ZBTB21: variants seen among roughly 807,000 people sequenced by gnomAD.
ZBTB21 encodes zinc finger and BTB domain containing 21.
In ZBTB21, 10 loss-of-function variants were observed where a neutral mutation model predicts 39.8. That is an observed-to-expected ratio of 0.25 (90% CI 0.16 to 0.43). The LOEUF is 0.43. ZBTB21 is among the 20% of genes least tolerant of loss of function. ZBTB21 has a pLI of 1.00. For synonymous variants in ZBTB21, 551 were observed against 498.8 expected (o/e 1.10, Z -1.40); for missense variants, 1,221 against 1,296.3 (o/e 0.94, Z 0.89).
chr21:41,998,899 C>T (rs1031900121), intron 2 of ZBTB21, among the ~76,000 whole-genome samples: 4 of 152,204 alleles, frequency 2.6e-5, no homozygotes, highest in Non-Finnish European at 5.9e-5. Context: ...GCCTACCATC[C>T]TTTCAAAGTA....
At chr21:41,997,228 C>G (rs116251488) in intron 2 of ZBTB21, among the ~76,000 whole-genome samples, 1 of 151,982 alleles carries the variant, frequency 6.6e-6, no homozygotes, top group Admixed American at 6.6e-5. Flanking sequence ...GGCCAAGAGA[C>G]CTTTAAAAAT....
chr21:41,997,266 A>G (rs1262305573), intron 2 of ZBTB21, among the ~76,000 whole-genome samples: 2 of 152,118 alleles, frequency 1.3e-5, no homozygotes, highest in Non-Finnish European at 2.9e-5. Flanking sequence ...GCAAAAAATT[A>G]TTTGCTAATT....
intron 2 of ZBTB21, among the ~76,000 whole-genome samples, chr21:41,997,308 G>T (rs6586291): frequency 0.63 from 96,118 of 152,026 alleles, 31,862 homozygotes; most frequent in African/African-American, 0.78. Flanking sequence ...AGGCACGGTG[G>T]CTCACGCTTG....
rs747199104 is a variant in ZBTB21 at position 41,993,143 on chromosome 21, G to A, written c.953C>T (p.Pro318Leu). 6.2e-7 allele frequency: 1 copy of A among 1,614,038 alleles called. No homozygotes were observed. Among genetic ancestry groups the A allele is most frequent in the African/African-American group, 1.3e-5 (1 of 74,928 alleles). ...GTTTCCAGAACCAGATCCACTGGAT[G>A]GGATCACTAAGCCTAACTTTGAATA... The part of the protein sequence containing the change: ...LYYSKLGLVI[P>L]SSGSGSGNQS... Residue 318 changes from proline (P) to leucine (L), a missense_variant, in exon 3 of 3, where the codon CCA becomes CTA. Physicochemically the swap from Pro to Leu is moderately conservative, Grantham distance 98. Transcript: ENST00000310826.
intron 1 of ZBTB21, among the ~76,000 whole-genome samples, chr21:42,009,813 C>A (rs924419464): frequency 2.0e-5 from 3 of 152,038 alleles, no homozygotes; most frequent in African/African-American, 4.8e-5. Flanking sequence ...ACCCCGCGGC[C>A]CGGGCCGCCG....
rs2065633734 is a variant in ZBTB21, at chr21:41,990,335, G to A, written c.*560C>T. 6.6e-6 allele frequency: 1 copy of A among 152,556 alleles called. No individual in the cohort carries two copies. The highest frequency in any genetic ancestry group is 1.5e-5 in the Non-Finnish European group (1 of 68,006). The allele number at this position is 152,556 out of a possible 1,614,324, so 9.5% of individuals were successfully genotyped here. A position where few individuals can be genotyped will look rare whatever the true frequency, so the allele number is the denominator to read the frequency against. On this transcript the variant is annotated 3_prime_UTR_variant, in exon 3 of 3. Coordinates refer to ENST00000310826, the MANE Select transcript of ZBTB21 (RefSeq NM_001098402.2). ...TCTCACAATTTTCATACAAAAAGAA[G>A]TTTTACATGACCACAAAATACCAAA...
Position 41,991,530 on chromosome 21 carries a change from A to G in ZBTB21, c.2566T>C (p.Phe856Leu), listed in dbSNP as rs1184415473. ...VFSDSSEQVN[F>L]DSEDSSCLPE... ...AGACAAGAGGAATCTTCCGAGTCGAAGTTAACTTGTTCTGAAGAATCACTG... is the reference window on the plus strand; with the variant it reads ...AGACAAGAGGAATCTTCCGAGTCGAGGTTAACTTGTTCTGAAGAATCACTG... The change falls in exon 3 of 3, where the codon TTC (phenylalanine) becomes CTC (leucine). Residue 856 changes from phenylalanine to leucine, a missense_variant. This residue lies in a region of ZBTB21 where 523 missense variants were observed against 542.5 expected (regional missense o/e 0.96). Transcript: ENST00000310826. The surrounding 1 kb of genome is among the most constrained non-coding windows in gnomAD (Gnocchi z 4.9). 6.2e-7 allele frequency: 1 copy of G among 1,614,100 alleles called. No individual in the cohort carries two copies. The highest frequency in any genetic ancestry group is 8.5e-7 in the Non-Finnish European group (1 of 1,180,046).
In ZBTB21 at chr21:41,993,677, T is replaced by A. The variant is rs970588623; in HGVS notation, c.419A>T (p.Asp140Val). Residue 140 changes from aspartate to valine, a missense_variant, in exon 3 of 3, where the codon GAT (aspartate) becomes GTT (valine). Transcript: ENST00000310826. The part of the protein sequence containing the change: ...PNRKKVFVED[D>V]ENSSQKRSVI... Reference sequence around the variant, plus strand: ...ACTTCTCTTTTGAGAACTGTTTTCATCATCTTCTACAAACACTTTTTTTCT... The same window carrying A: ...ACTTCTCTTTTGAGAACTGTTTTCAACATCTTCTACAAACACTTTTTTTCT... The A allele has an allele frequency of 1.2e-6, 2 of 1,614,096 alleles. No individual in the cohort carries two copies. The highest frequency in any genetic ancestry group is 1.7e-6 in the Non-Finnish European group (2 of 1,180,050).
At chr21:41,996,843 G>A (rs1445150602) in intron 2 of ZBTB21, among the ~76,000 whole-genome samples, 1 of 152,194 alleles carries the variant, frequency 6.6e-6, no homozygotes, top group African/African-American at 2.4e-5. Context: ...CTCTTCTTGT[G>A]ATAGTGAATA....
At chr21:42,001,238 A>G (rs1170546518) in intron 2 of ZBTB21, among the ~76,000 whole-genome samples, 1 of 152,156 alleles carries the variant, frequency 6.6e-6, no homozygotes, top group East Asian at 1.9e-4. Flanking sequence ...TCCTCTTCCA[A>G]TTCTCGTATC....
Position 41,991,468 on chromosome 21 carries a change from G to T in ZBTB21, c.2628C>A (p.Ile876=). The change falls in exon 3 of 3, where the codon ATC becomes ATA. Residue 876 remains isoleucine, a synonymous_variant. Coordinates refer to ENST00000310826, the MANE Select transcript of ZBTB21 (RefSeq NM_001098402.2). This position sits in a 1 kb window ranked among gnomAD's most constrained non-coding sequence, Gnocchi z 4.9. ...EDLSLSKQLK[I]QVKEEPVEEA... ...CCTCCACAGGCTCCTCTTTGACTTG[G>T]ATTTTCAGTTGCTTGGAAAGACTAA... 5 of 1,614,156 alleles carry T rather than the reference G, an allele frequency of 3.1e-6. No homozygotes were observed. Among genetic ancestry groups the T allele is most frequent in the Non-Finnish European group, 4.2e-6 (5 of 1,180,034 alleles).
intron 1 of ZBTB21, among the ~76,000 whole-genome samples, chr21:42,005,100 T>C (rs950135788): frequency 1.3e-5 from 2 of 152,210 alleles, no homozygotes; most frequent in Admixed American, 6.5e-5. Flanking sequence ...CTTGGCCACA[T>C]TCAGGAGAAT....
rs1455366402 is a variant in ZBTB21, at chr21:41,988,517, T to C, written c.*2378A>G. ...TCTTTCATTATTTTACTTCTTAACATTTAAAATAGTTACATGAGTGGAAGC... is the reference window on the plus strand; with the variant it reads ...TCTTTCATTATTTTACTTCTTAACACTTAAAATAGTTACATGAGTGGAAGC... On this transcript the variant is annotated 3_prime_UTR_variant, in exon 3 of 3. Transcript: ENST00000310826. The C allele has an allele frequency of 1.3e-5, 2 of 152,168 alleles. No homozygotes were observed. Among genetic ancestry groups the C allele is most frequent in the African/African-American group, 2.4e-5 (1 of 41,460 alleles). 9.4% of individuals were successfully genotyped at this position (152,168 alleles called of 1,614,324 possible). A position where few individuals can be genotyped will look rare whatever the true frequency, so the allele number is the denominator to read the frequency against.
chr21:42,001,392 T>A (rs1601650370), intron 2 of ZBTB21, among the ~76,000 whole-genome samples: 1 of 152,256 alleles, frequency 6.6e-6, no homozygotes, highest in Admixed American at 6.5e-5. Context: ...GCTAGAACCC[T>A]TCTAGACATG....
At position 41,990,515 on chromosome 21, in the gene ZBTB21, T is replaced by C. The variant is rs900714783; in HGVS notation, c.*380A>G. 1.3e-5 allele frequency: 2 copies of C among 155,386 alleles called. No individual in the cohort carries two copies. Among genetic ancestry groups the C allele is most frequent in the Admixed American group, 6.5e-5 (1 of 15,350 alleles). 9.6% of individuals were successfully genotyped at this position (155,386 alleles called of 1,614,324 possible). On this transcript the variant is annotated 3_prime_UTR_variant, in exon 3 of 3. Coordinates refer to ENST00000310826, the MANE Select transcript of ZBTB21 (RefSeq NM_001098402.2). ...GGTTAAGATTTAACTAGAACTCAAG[T>C]GTCTAAAATAATTAAAAGAAGGAAT...
chr21:41,993,803 C>T lies in ZBTB21; in HGVS notation c.293G>A (p.Ser98Asn), dbSNP rs1427719378. 7 of 1,614,124 alleles carry T rather than the reference C, an allele frequency of 4.3e-6. No individual in the cohort carries two copies. Among genetic ancestry groups the T allele is most frequent in the African/African-American group, 1.3e-5 (1 of 74,944 alleles). The part of the protein sequence containing the change: ...YSSSLFVEKS[S>N]LAAVQELGYS... ...GCCAAGTTCTTGCACAGCAGCAAGG[C>T]TGCTCTTCTCAACAAATAGAGAGGA... The change falls in exon 3 of 3, where the codon AGC becomes AAC. Residue 98 changes from serine (S) to asparagine (N), a missense_variant. Physicochemically the swap from Ser to Asn is conservative, Grantham distance 46. Transcript: ENST00000310826.
In ZBTB21 at chr21:41,991,143, G is replaced by A. The variant is rs1390609419; in HGVS notation, c.2953C>T (p.Pro985Ser). ...CPVPTNSPSP[P>S]PLPPPPPLPK... The stretch of plus-strand genomic sequence containing the variant: ...AGTGGTGGTGGCGGTGGCAGAGGTG[G>A]TGGAGAGGGAGAGTTTGTGGGAACA... The change falls in exon 3 of 3, where the codon CCA becomes TCA. Residue 985 changes from proline (P) to serine (S), a missense_variant. Around this residue, in one of 4 missense-constraint regions of ZBTB21, gnomAD observed 523 missense variants for 542.5 expected, o/e 0.96. Coordinates refer to ENST00000310826, the MANE Select transcript of ZBTB21 (RefSeq NM_001098402.2). The surrounding 1 kb of genome is among the most constrained non-coding windows in gnomAD (Gnocchi z 4.9). 3 of 1,614,040 alleles carry A rather than the reference G, an allele frequency of 1.9e-6. No individual in the cohort carries two copies. The highest frequency in any genetic ancestry group is 1.3e-5 in the African/African-American group (1 of 74,934).
rs961292472 is a variant in ZBTB21, at chr21:41,988,585, C to A, written c.*2310G>T. 1 of 152,040 alleles carries A rather than the reference C, an allele frequency of 6.6e-6. No homozygotes were observed. The highest frequency in any genetic ancestry group is 2.1e-4 in the South Asian group (1 of 4,824). The allele number at this position is 152,040 out of a possible 1,614,324, so 9.4% of individuals were successfully genotyped here. ...CAAAATAAACTCTTTCAGCCTAATG[C>A]TTTTAAAGTACAGTATAAAAAGTAA... On this transcript the variant is annotated 3_prime_UTR_variant, in exon 3 of 3. Transcript: ENST00000310826.
chr21:42,008,159 T>TA (rs1386557915), intron 1 of ZBTB21: 1 of 152,060 alleles, frequency 6.6e-6, no homozygotes, highest in Non-Finnish European at 1.5e-5. Context: ...ACCTAGCTCT[T>TA]ACATAGCTTA....
Sources: gnomAD v4.1 joint callset for allele counts (sites outside exome capture counted in the v4.1 genomes callset) on GRCh38, gnomAD v4.1.1 for gene constraint, gnomAD v4.1.1 regional missense constraint, Gnocchi (gnomAD v3.1) non-coding constraint, MANE v1.5 for transcripts, NCBI Gene and HGNC (gene_info 2026-07-23, HGNC 2026-07-21) for gene names.